OTOP1: variants seen among roughly 807,000 people sequenced by gnomAD.
OTOP1 encodes proton channel OTOP1.
A neutral mutation model predicts 52.9 loss-of-function variants in OTOP1; 59 were observed. The observed-to-expected ratio is 1.12, with a 90% CI of 0.91 to 1.39. The LOEUF (loss-of-function observed/expected upper bound fraction) is 1.39, where lower values mean the gene tolerates loss of function less well. Ranked by LOEUF, OTOP1 falls within the 40% of genes most tolerant of loss-of-function variation. OTOP1 has a pLI of 0.00. For missense variants in OTOP1, 761 were observed against 800.9 expected (o/e 0.95, Z 0.60); for synonymous variants, 317 against 337.7 (o/e 0.94, Z 0.67).
rs1170648944 is a variant in OTOP1, at chr4:4,226,004, G to A, written c.403+458C>T. On this transcript the variant is annotated intron_variant, in intron 1 of 5. Transcript: ENST00000296358. ...CCTGGAGGAGAGAACCGAAGGTGCCGAATGTGCAGAGGCAGAGGTCCTGCG... is the reference window on the plus strand; with the variant it reads ...CCTGGAGGAGAGAACCGAAGGTGCCAAATGTGCAGAGGCAGAGGTCCTGCG... Among the ~76,000 whole-genome samples the A allele has an allele frequency of 1.4e-4, 21 of 152,342 alleles. 1 individual carries two copies. The South Asian group carries it at 4.1e-3, about 30-fold the overall frequency.
At chr4:4,206,420 G>A (rs112862670) in intron 2 of OTOP1, among the ~76,000 whole-genome samples, 3 of 152,210 alleles carry the variant, frequency 2.0e-5, no homozygotes, top group East Asian at 1.9e-4. Context: ...TCTGCTGTGG[G>A]ACAGGGTATG....
In OTOP1 at chr4:4,197,838, G is replaced by T. The variant is rs767575496; in HGVS notation, c.996C>A (p.Tyr332Ter). The T allele has an allele frequency of 1.9e-6, 3 of 1,614,054 alleles. No homozygotes were observed. Among genetic ancestry groups the T allele is most frequent in the Non-Finnish European group, 1.7e-6 (2 of 1,180,010 alleles). The change falls in exon 5 of 6, where the codon TAC becomes TAA. Residue 332 changes from tyrosine (Y) to a stop codon, truncating the protein, a stop_gained. Transcript: ENST00000296358. LOFTEE classifies it high-confidence loss of function. ...TCTTGGAGCGCCCAATATGAATCAG[G>T]TATACCACCACCACAGCAATGGTGG... Reference protein sequence around the residue: ...LAATIAVVVVYLIHIGRSKTK... With the variant: ...LAATIAVVVV
chr4:4,225,179 T>G (rs1056223287), intron 1 of OTOP1, among the ~76,000 whole-genome samples: 2 of 152,192 alleles, frequency 1.3e-5, no homozygotes, highest in Admixed American at 1.3e-4. Flanking sequence ...GCACTTGGCC[T>G]CTCCTGGGAA....
intron 1 of OTOP1, among the ~76,000 whole-genome samples, chr4:4,222,187 C>T (rs1417401227): frequency 6.6e-6 from 1 of 152,080 alleles, no homozygotes; most frequent in Non-Finnish European, 1.5e-5. Flanking sequence ...CCAACAGTCA[C>T]TGAATAATAC....
intron 4 of OTOP1, among the ~76,000 whole-genome samples, chr4:4,199,932 A>T (rs1716743396): frequency 6.6e-6 from 1 of 152,224 alleles, no homozygotes; most frequent in Non-Finnish European, 1.5e-5. Flanking sequence ...AGCGTCTCTG[A>T]TATAGTAAAA....
At chr4:4,201,248 G>A (rs537449670) in intron 4 of OTOP1, among the ~76,000 whole-genome samples, 4 of 152,136 alleles carry the variant, frequency 2.6e-5, no homozygotes, top group Admixed American at 1.3e-4. Context: ...CCAACATAGT[G>A]AAACCCCGTC....
Position 4,197,656 on chromosome 4 carries a change from A to T in OTOP1, c.1178T>A (p.Leu393His), listed in dbSNP as rs549444449. 1 of 1,613,546 alleles carries T rather than the reference A, an allele frequency of 6.2e-7. No individual in the cohort carries two copies. Among genetic ancestry groups the T allele is most frequent in the Admixed American group, 1.7e-5 (1 of 59,962 alleles). The change falls in exon 5 of 6, where the codon CTC becomes CAC. Residue 393 changes from leucine (L) to histidine (H), a missense_variant. Transcript: ENST00000296358. ...KNPARKLDSD[L>H]LVGTASGSWL... ...GGAGCCCGAGGCAGTGCCCACCAAG[A>T]GGTCCGAGTCCAGTTTGCGGGCCGG...
At chr4:4,219,429 C>T (rs545697297) in intron 1 of OTOP1, among the ~76,000 whole-genome samples, 23 of 152,100 alleles carry the variant, frequency 1.5e-4, no homozygotes, top group East Asian at 9.7e-4. Context: ...TTGCCGGGCG[C>T]GGTGGCTCAC....
intron 2 of OTOP1, among the ~76,000 whole-genome samples, chr4:4,209,484 G>C (rs1465551750): frequency 6.6e-6 from 1 of 152,072 alleles, no homozygotes; most frequent in African/African-American, 2.4e-5. Flanking sequence ...CCAACTAAGA[G>C]GGATATTTTG....
rs1450286570 is a variant in OTOP1, at chr4:4,188,991, A to G, written c.1669-18T>C. 5.6e-6 allele frequency: 9 copies of G among 1,609,062 alleles called. No individual in the cohort carries two copies. Among genetic ancestry groups the G allele is most frequent in the Non-Finnish European group, 7.6e-6 (9 of 1,177,376 alleles). On this transcript the variant is annotated intron_variant, in intron 5 of 5. Coordinates refer to ENST00000296358, the MANE Select transcript of OTOP1 (RefSeq NM_177998.3). ...ATCCAAAGCTGCAAGAGAAGAGAAA[A>G]TGGCATGTGGTGGGGAGCAGCTTCC...
At chr4:4,206,514 T>C (rs1430922363) in intron 2 of OTOP1, among the ~76,000 whole-genome samples, 7 of 152,236 alleles carry the variant, frequency 4.6e-5, no homozygotes, top group Non-Finnish European at 1.5e-5. Context: ...CACTGTACAG[T>C]TACTCCATGC....
chr4:4,199,566 C>T (rs111759313), intron 4 of OTOP1, among the ~76,000 whole-genome samples: 6,308 of 152,030 alleles, frequency 0.041, 451 homozygotes, highest in African/African-American at 0.14. Context: ...GCCCGTGCCA[C>T]CACGCCCGGC....
intron 3 of OTOP1, among the ~76,000 whole-genome samples, chr4:4,204,438 T>C (rs536590417): frequency 2.6e-5 from 4 of 152,308 alleles, no homozygotes; most frequent in African/African-American, 9.6e-5. Context: ...CTCTCATTTT[T>C]CCTGGTCCAA....
intron 2 of OTOP1, among the ~76,000 whole-genome samples, chr4:4,209,852 C>T (rs1450688489): frequency 6.6e-6 from 1 of 152,142 alleles, no homozygotes; most frequent in East Asian, 1.9e-4. Context: ...CCACACATCG[C>T]CCCCCTACCC....
At position 4,197,217 on chromosome 4, in the gene OTOP1, CTTGGCG is replaced by C. The variant is rs1716657268; in HGVS notation, c.1611_1616del (p.Asn537_Ala538del). The stretch of plus-strand genomic sequence containing the variant: ...CTGCAATATTCCTCAGGACTTTTCT[CTTGGCG>C]TTGCCCTGTAAGAAACGGGGAAGGC... On this transcript the variant is annotated inframe_deletion, in exon 5 of 6. Coordinates refer to ENST00000296358, the MANE Select transcript of OTOP1 (RefSeq NM_177998.3). The C allele has an allele frequency of 6.2e-7, 1 of 1,612,228 alleles. No homozygotes were observed. Among genetic ancestry groups the C allele is most frequent in the African/African-American group, 1.3e-5 (1 of 74,144 alleles).
rs144628895 is a variant in OTOP1, at chr4:4,197,892, G to A, written c.942C>T (p.Gly314=). The A allele has an allele frequency of 2.2e-5, 36 of 1,613,920 alleles. No homozygotes were observed. The highest frequency in any genetic ancestry group is 1.5e-4 in the Admixed American group (9 of 59,982). ...MQFKSDGVMV[G]AVLGLTVLAA... ...CCAGCACGGTCAGGCCCAGGACTGC[G>A]CCCACCATGACCCCATCAGACTTGA... The change falls in exon 5 of 6, where the codon GGC becomes GGT. Residue 314 remains glycine (G), a synonymous_variant. Transcript: ENST00000296358.
At chr4:4,225,087 C>T (rs1390693734) in intron 1 of OTOP1, among the ~76,000 whole-genome samples, 1 of 152,234 alleles carries the variant, frequency 6.6e-6, no homozygotes, top group East Asian at 1.9e-4. Context: ...GGAAGCCCCA[C>T]TCTAATGGAG....
intron 1 of OTOP1, among the ~76,000 whole-genome samples, chr4:4,220,862 G>A (rs1187509334): frequency 6.6e-6 from 1 of 151,974 alleles, no homozygotes; most frequent in African/African-American, 2.4e-5. Context: ...CCTCTTAGAG[G>A]TGGAAAGTCC....
intron 5 of OTOP1, among the ~76,000 whole-genome samples, chr4:4,194,235 A>C (rs142999163): frequency 1.2e-4 from 19 of 152,348 alleles, no homozygotes; most frequent in South Asian, 4.1e-4. Context: ...TACAAAAAGC[A>C]TATGCTTGAG....
Sources: gnomAD v4.1 joint callset for allele counts (sites outside exome capture counted in the v4.1 genomes callset) on GRCh38, gnomAD v4.1.1 for gene constraint, MANE v1.5 for transcripts, NCBI Gene and HGNC (gene_info 2026-07-23, HGNC 2026-07-21) for gene names.